The following SOS1 variants were observed in gnomAD, a reference collection of about 807,000 sequenced individuals.
The protein encoded by SOS1 is son of sevenless homolog 1.
In SOS1, 25 loss-of-function variants were observed where a neutral mutation model predicts 157.6. That is an observed-to-expected ratio of 0.16 (90% CI 0.12 to 0.22). The LOEUF (loss-of-function observed/expected upper bound fraction) is 0.22. Ranked by LOEUF, SOS1 falls within the 10% of genes least tolerant of loss-of-function variation. SOS1 has a pLI of 1.00. For synonymous variants in SOS1, 528 were observed against 534.0 expected (o/e 0.99, Z 0.16); for missense variants, 1,237 against 1,599.1 (o/e 0.77, Z 3.86).
At chr2:39,115,818 T>C (rs1295456419) in intron 1 of SOS1, among the ~76,000 whole-genome samples, 3 of 152,236 alleles carry the variant, frequency 2.0e-5, no homozygotes, top group Non-Finnish European at 4.4e-5. Context: ...TGACGAACAT[T>C]GGATTTTTTC....
intron 2 of SOS1, among the ~76,000 whole-genome samples, chr2:39,060,055 G>A (rs1671347095): frequency 6.6e-6 from 1 of 152,066 alleles, no homozygotes; most frequent in African/African-American, 2.4e-5. Flanking sequence ...AAAAGGGAAG[G>A]GGTAAAGGGA....
chr2:39,058,900 G>A (rs1385765625), intron 2 of SOS1, 96 bp from the exon 3 acceptor site: 3 of 961,688 alleles, frequency 3.1e-6, no homozygotes, highest in Non-Finnish European at 4.8e-6. Flanking sequence ...ACCAAAAGTA[G>A]AGCTTTTCAC....
In SOS1 at chr2:39,012,122, A is replaced by C; in HGVS notation, c.2390+4T>G. 3 of 1,559,238 alleles carry C rather than the reference A, an allele frequency of 1.9e-6. No individual in the cohort carries two copies. The highest frequency in any genetic ancestry group is 2.7e-6 in the Non-Finnish European group (3 of 1,130,064). On this transcript the variant is annotated splice_donor_region_variant and intron_variant, in intron 14 of 22. Transcript: ENST00000402219. ...CTTTTCAACTTGAATGTTAAATTAC[A>C]TACCGGTATAGATCTGATTCAAGTA...
intron 17 of SOS1, among the ~76,000 whole-genome samples, chr2:38,999,974 A>G (rs1199127301): frequency 1.3e-5 from 2 of 152,178 alleles, no homozygotes; most frequent in Non-Finnish European, 2.9e-5. Flanking sequence ...AAGAGCAGTT[A>G]GTAGGCTAAC....
intron 10 of SOS1, among the ~76,000 whole-genome samples, chr2:39,015,421 A>C (rs531358134): frequency 6.6e-6 from 1 of 152,230 alleles, no homozygotes; most frequent in South Asian, 2.1e-4. Flanking sequence ...ATAAGCTATT[A>C]AAACTATTAA....
intron 5 of SOS1, among the ~76,000 whole-genome samples, chr2:39,051,692 A>C (rs758122592): frequency 3.9e-5 from 6 of 152,208 alleles, no homozygotes; most frequent in Non-Finnish European, 7.4e-5. Context: ...TTTTATAAAA[A>C]GTAACCAAAT....
chr2:39,014,142 T>C (rs1468885524), intron 11 of SOS1, among the ~76,000 whole-genome samples, 153 bp from the exon 12 acceptor site: 1 of 152,146 alleles, frequency 6.6e-6, no homozygotes, highest in Non-Finnish European at 1.5e-5. Context: ...GTGAGACTCC[T>C]ATAGTATTAA....
rs866726148 is a variant in SOS1 at position 38,982,219 on chromosome 2, G to A, written c.*3605C>T. 1 of 152,080 alleles carries A rather than the reference G, an allele frequency of 6.6e-6. No individual in the cohort carries two copies. The highest frequency in any genetic ancestry group is 1.5e-5 in the Non-Finnish European group (1 of 68,016). The allele number at this position is 152,080 out of a possible 1,614,324, so 9.4% of individuals were successfully genotyped here. On this transcript the variant is annotated 3_prime_UTR_variant, in exon 23 of 23. Transcript: ENST00000402219. Reference sequence around the variant, plus strand: ...ACAGTCGACAGAAAATGCACTTTACGGTGTCAAAAATGGAAAATAAGGCAT... The same window carrying A: ...ACAGTCGACAGAAAATGCACTTTACAGTGTCAAAAATGGAAAATAAGGCAT...
At chr2:39,078,922 C>T (rs1009843499) in intron 1 of SOS1, among the ~76,000 whole-genome samples, 4 of 151,648 alleles carry the variant, frequency 2.6e-5, no homozygotes, top group Admixed American at 6.6e-5. Context: ...TAGCCAGATG[C>T]GGTGGCATAC....
At chr2:39,096,025 A>G (rs297148) in intron 1 of SOS1, among the ~76,000 whole-genome samples, 142,141 of 152,250 alleles carry the variant, frequency 0.93, 66,466 homozygotes, top group African/African-American at 0.97. Context: ...AAGAAACAAC[A>G]CAGATCATCT....
upstream of SOS1, among the ~76,000 whole-genome samples, chr2:39,122,359 G>A (rs1372118000): frequency 6.6e-6 from 1 of 152,034 alleles, no homozygotes; most frequent in African/African-American, 2.4e-5. Flanking sequence ...GAACCCAGGA[G>A]GCAGAGGTTG....
At chr2:39,003,387 C>G (rs1307423416) in intron 17 of SOS1, among the ~76,000 whole-genome samples, 1 of 152,066 alleles carries the variant, frequency 6.6e-6, no homozygotes, top group Non-Finnish European at 1.5e-5. Context: ...TATACTTTAT[C>G]CCCGCTAAAA....
At chr2:38,994,943 A>G (rs1157695239) in intron 20 of SOS1, among the ~76,000 whole-genome samples, 180 bp downstream of exon 20, 1 of 152,228 alleles carries the variant, frequency 6.6e-6, no homozygotes. Context: ...CAGATTTTTT[A>G]GAAATTTCAA....
At chr2:39,002,620 C>T (rs1008961902) in intron 17 of SOS1, among the ~76,000 whole-genome samples, 1 of 152,278 alleles carries the variant, frequency 6.6e-6, no homozygotes, top group East Asian at 1.9e-4. Flanking sequence ...AAGAAATATA[C>T]GTTGACAGAT....
intron 4 of SOS1, 31 bp from the exon 5 acceptor site, chr2:39,054,854 T>C (rs112999396): frequency 4.6e-6 from 5 of 1,094,134 alleles, no homozygotes; most frequent in African/African-American, 3.1e-5. Flanking sequence ...AAAAGTATAA[T>C]AAAATATGAA....
At chr2:39,031,458 G>A (rs975737629) in intron 8 of SOS1, among the ~76,000 whole-genome samples, 7 of 152,162 alleles carry the variant, frequency 4.6e-5, no homozygotes, top group Admixed American at 3.3e-4. Flanking sequence ...GGCCAGGTGT[G>A]GGGGCTCGCA....
chr2:39,010,412 G>A (rs1048299574), intron 15 of SOS1, among the ~76,000 whole-genome samples, 172 bp downstream of exon 15: 5 of 152,076 alleles, frequency 3.3e-5, no homozygotes, highest in Non-Finnish European at 7.4e-5. Context: ...GGCTGAGGTG[G>A]GAGGATCGCT....
In SOS1 at chr2:39,014,004, A is replaced by G. The variant is rs1224387177; in HGVS notation, c.1941-15T>C. ...GAATTTCAAACCTAACATAAAATAG[A>G]ACAAATTAATGAAAAGACTAATTAT... On this transcript the variant is annotated splice_polypyrimidine_tract_variant and intron_variant, in intron 11 of 22. Coordinates refer to ENST00000402219, the MANE Select transcript of SOS1 (RefSeq NM_005633.4). 6.3e-7 allele frequency: 1 copy of G among 1,586,422 alleles called. No individual in the cohort carries two copies. The highest frequency in any genetic ancestry group is 8.6e-7 in the Non-Finnish European group (1 of 1,157,654).
chr2:39,074,804 T>C (rs1313309586), intron 1 of SOS1, among the ~76,000 whole-genome samples: 1 of 149,400 alleles, frequency 6.7e-6, no homozygotes, highest in Admixed American at 6.7e-5. Context: ...GAGGCGGAGG[T>C]TGTGGTGAGC....
Sources: gnomAD v4.1 joint callset for allele counts (sites outside exome capture counted in the v4.1 genomes callset) on GRCh38, gnomAD v4.1.1 for gene constraint, MANE v1.5 for transcripts, NCBI Gene and HGNC (gene_info 2026-07-23, HGNC 2026-07-21) for gene names.